Variants in EPHB2 observed in about 807,000 individuals in gnomAD.
The protein encoded by EPHB2 is ephrin type-B receptor 2.
In EPHB2, 18 loss-of-function variants were observed where a neutral mutation model predicts 96.4. The observed-to-expected ratio is 0.19, with a 90% CI of 0.13 to 0.28. The LOEUF (loss-of-function observed/expected upper bound fraction) is 0.28, where lower values mean the gene tolerates loss of function less well. EPHB2 is among the 10% of genes least tolerant of loss of function. The pLI is 1.00. For missense variants in EPHB2, 989 were observed against 1,355.4 expected, an observed-to-expected ratio of 0.73 and a Z score of 4.25; for synonymous variants, 506 against 534.1, an observed-to-expected ratio of 0.95 and a Z score of 0.72.
intron 1 of EPHB2, among the ~76,000 whole-genome samples, chr1:22,769,524 C>T (rs1394319560): frequency 6.6e-6 from 1 of 152,140 alleles, no homozygotes; most frequent in Admixed American, 6.5e-5. Flanking sequence ...TCTCGTGCCT[C>T]AATCTCCCAA....
At chr1:22,742,239 G>A (rs751822394) in intron 1 of EPHB2, among the ~76,000 whole-genome samples, 10 of 152,300 alleles carry the variant, frequency 6.6e-5, no homozygotes, top group African/African-American at 2.2e-4. Context: ...CATGAGGACC[G>A]CCCTGGCTGA....
intron 11 of EPHB2, among the ~76,000 whole-genome samples, chr1:22,907,434 G>A (rs1319627466): frequency 6.6e-6 from 1 of 152,184 alleles, no homozygotes; most frequent in Non-Finnish European, 1.5e-5. Flanking sequence ...GAGGAGTTCA[G>A]AGCACAAGGC....
At chr1:22,750,806 C>A (rs1203510247) in intron 1 of EPHB2, among the ~76,000 whole-genome samples, 7 of 152,216 alleles carry the variant, frequency 4.6e-5, no homozygotes, top group Non-Finnish European at 1.5e-5. Context: ...CTTTATGAGA[C>A]AGGTGCTATT....
intron 1 of EPHB2, among the ~76,000 whole-genome samples, chr1:22,712,326 T>C (rs76961920): frequency 0.042 from 6,380 of 152,280 alleles, 185 homozygotes; most frequent in Middle Eastern, 0.065. Flanking sequence ...CTCACTTAGC[T>C]GGGTTTTGTT....
intron 1 of EPHB2, among the ~76,000 whole-genome samples, chr1:22,729,373 G>A (rs988842900): frequency 5.3e-5 from 8 of 152,316 alleles, no homozygotes; most frequent in African/African-American, 1.4e-4. Context: ...CCTATATTAG[G>A]AGAACATGAC....
chr1:22,795,633 G>A (rs184325931), intron 3 of EPHB2, among the ~76,000 whole-genome samples: 1 of 152,320 alleles, frequency 6.6e-6, no homozygotes, highest in African/African-American at 2.4e-5. Context: ...TTCACTCCAT[G>A]AGATATTTTG....
intron 1 of EPHB2, among the ~76,000 whole-genome samples, chr1:22,713,094 G>T (rs371020502): frequency 6.6e-6 from 1 of 152,142 alleles, no homozygotes; most frequent in African/African-American, 2.4e-5. Flanking sequence ...TCACAGGAGG[G>T]TATGGCTACT....
intron 1 of EPHB2, among the ~76,000 whole-genome samples, chr1:22,764,658 A>G (rs1644281811): frequency 6.6e-6 from 1 of 151,940 alleles, no homozygotes; most frequent in African/African-American, 2.4e-5. Context: ...AGGCAGGAGA[A>G]TCTCTTGAAC....
intron 1 of EPHB2, among the ~76,000 whole-genome samples, chr1:22,736,763 T>C (rs1341242388): frequency 2.6e-5 from 4 of 152,160 alleles, no homozygotes; most frequent in Middle Eastern, 3.2e-3. Context: ...GAGAGGAGCC[T>C]TTTTTTCCCA....
At chr1:22,821,870 G>T (rs900480004) in intron 3 of EPHB2, among the ~76,000 whole-genome samples, 1 of 152,166 alleles carries the variant, frequency 6.6e-6, no homozygotes, top group Non-Finnish European at 1.5e-5. Context: ...GAAGCTAGGG[G>T]TGGTTTTTGC....
At chr1:22,801,605 CCAGACCCCACA>C (rs1370960300) in intron 3 of EPHB2, among the ~76,000 whole-genome samples, 1 of 152,090 alleles carries the variant, frequency 6.6e-6, no homozygotes, top group Non-Finnish European at 1.5e-5. Context: ...TAGAGGATGC[CCAGACCCCACA>C]CGAGGGGATG....
Position 22,731,339 on chromosome 1 carries a change from G to T in EPHB2, c.61+20296G>T, listed in dbSNP as rs187921237. Among the ~76,000 whole-genome samples, 6 of 152,190 alleles carry T rather than the reference G, an allele frequency of 3.9e-5. No individual in the cohort carries two copies. The East Asian group carries it at 1.2e-3, about 30-fold the overall frequency. ...GCACAAGGCCCCTTCCCTCTTTTGAGCTGGGGGCTGCACTGGGGGATTAGC... is the reference window on the plus strand; with the variant it reads ...GCACAAGGCCCCTTCCCTCTTTTGATCTGGGGGCTGCACTGGGGGATTAGC... On this transcript the variant is annotated intron_variant, in intron 1 of 15. Transcript: ENST00000374630.
At chr1:22,774,417 G>A (rs1644419629) in intron 1 of EPHB2, 1 of 215,094 alleles carries the variant, frequency 4.6e-6, no homozygotes, top group African/African-American at 2.4e-5. Context: ...GCCAGAGCAG[G>A]AGGAGTCAGG....
chr1:22,784,429 C>T lies in EPHB2; in HGVS notation c.164C>T (p.Thr55Met), dbSNP rs202156735. Residue 55 changes from threonine to methionine, a missense_variant, in exon 3 of 16, where the codon ACG (threonine) becomes ATG (methionine). Physicochemically the swap from Thr to Met is moderately conservative, Grantham distance 81 (BLOSUM62 -1). Coordinates refer to ENST00000374630, the MANE Select transcript of EPHB2 (RefSeq NM_017449.5). This position sits in a 1 kb window ranked among gnomAD's most constrained non-coding sequence, Gnocchi z 5.1. The part of the protein sequence containing the change: ...EVSGYDENMN[T>M]IRTYQVCNVF... ...AGTGGCTACGATGAGAACATGAACA[C>T]GATCCGCACGTACCAGGTGTGCAAC... 3.8e-5 allele frequency: 61 copies of T among 1,614,208 alleles called. 1 individual carries two copies. Among genetic ancestry groups the T allele is most frequent in the Admixed American group, 2.0e-4 (12 of 60,030 alleles).
rs181260016 is a variant in EPHB2, at chr1:22,872,467, G to A, written c.1303+7255G>A. Among the ~76,000 whole-genome samples the A allele has an allele frequency of 8.5e-5, 13 of 152,242 alleles. No homozygotes were observed. The South Asian group carries it at 1.0e-3, about 12-fold the overall frequency. On this transcript the variant is annotated intron_variant, in intron 5 of 15. Coordinates refer to ENST00000374630, the MANE Select transcript of EPHB2 (RefSeq NM_017449.5). ...GTAAGGTAACATATTCACAGATCCC[G>A]GGAATTAAGACGTGAACATCTTTGG...
intron 3 of EPHB2, among the ~76,000 whole-genome samples, chr1:22,848,823 C>G (rs1645581708): frequency 6.6e-6 from 1 of 152,144 alleles, no homozygotes; most frequent in Non-Finnish European, 1.5e-5. Context: ...GCAGAGCAAC[C>G]TTCCAGGTTT....
In EPHB2 at chr1:22,756,282, C is replaced by T. The variant is rs1021435348; in HGVS notation, c.62-25139C>T. On this transcript the variant is annotated intron_variant, in intron 1 of 15. Transcript: ENST00000374630. ...TGTTCGGGGAAGGTCTGTGTGGCTG[C>T]GGTTTCAGGATGGATGGGGGCAGCG... 4.6e-5 allele frequency among the ~76,000 whole-genome samples: 7 copies of T among 152,074 alleles called. No individual in the cohort carries two copies. The South Asian group carries it at 8.3e-4, about 18-fold the overall frequency.
intron 3 of EPHB2, among the ~76,000 whole-genome samples, chr1:22,794,507 C>G (rs2148438707): frequency 6.6e-6 from 1 of 152,278 alleles, no homozygotes; most frequent in East Asian, 1.9e-4. Context: ...TGAATCCTCT[C>G]ATCAGACTAG....
intron 1 of EPHB2, among the ~76,000 whole-genome samples, chr1:22,770,066 A>C (rs995866892): frequency 6.6e-6 from 1 of 152,052 alleles, no homozygotes; most frequent in African/African-American, 2.4e-5. Flanking sequence ...AGCTGCTTGG[A>C]TTGGGTGATT....
Sources: allele counts gnomAD v4.1 joint callset (sites outside exome capture counted in the v4.1 genomes callset), GRCh38; gene constraint gnomAD v4.1.1; non-coding constraint Gnocchi (gnomAD v3.1); transcripts MANE v1.5; gene names NCBI Gene and HGNC (gene_info 2026-07-23, HGNC 2026-07-21).